VCAN: variants seen among roughly 807,000 people sequenced by gnomAD.
VCAN encodes versican, also known as versican core protein.
VCAN carries 44 observed loss-of-function variants against 245.5 expected under a neutral mutation model. That is an observed-to-expected ratio of 0.18 (90% confidence interval 0.14 to 0.23). The LOEUF (loss-of-function observed/expected upper bound fraction) is 0.23, where lower values mean the gene tolerates loss of function less well. Among genes scored for constraint, VCAN ranks in the 10% least tolerant of loss-of-function variants. The pLI, the probability that VCAN is intolerant of heterozygous loss-of-function variation, is 1.00. For missense variants in VCAN, 3,793 were observed against 4,057.9 expected (o/e 0.93, Z 1.77); for synonymous variants, 1,413 against 1,437.0 (o/e 0.98, Z 0.38).
At chr5:83,484,760 C>T (rs1395919828) in intron 2 of VCAN, among the ~76,000 whole-genome samples, 1 of 152,128 alleles carries the variant, frequency 6.6e-6, no homozygotes, top group African/African-American at 2.4e-5. Flanking sequence ...CAGGTACTTT[C>T]AAATTGATGA....
chr5:83,521,717 A>T lies in VCAN; in HGVS notation c.3411A>T (p.Glu1137Asp), dbSNP rs750662669. 6.2e-7 allele frequency: 1 copy of T among 1,614,150 alleles called. No homozygotes were observed. Among genetic ancestry groups the T allele is most frequent in the Admixed American group, 1.7e-5 (1 of 60,014 alleles). ...AAGTATCTTTAAGTCCAGGGCCTGA[A>T]CAAAAATATGAAACAGAAGGTAGTA... ...GPKVSLSPGP[E>D]QKYETEGSST... Residue 1137 changes from glutamate to aspartate, a missense_variant, in exon 7 of 15, where the codon GAA becomes GAT. Around this residue, in one of 5 missense-constraint regions of VCAN, gnomAD observed 3,182 missense variants for 3,250.3 expected, o/e 0.98. Transcript: ENST00000265077.
At chr5:83,530,350 A>C (rs1302519397) in intron 7 of VCAN, among the ~76,000 whole-genome samples, 2 of 151,910 alleles carry the variant, frequency 1.3e-5, no homozygotes, top group African/African-American at 2.4e-5. Context: ...TTGTCAAGGA[A>C]ACCCCCAGTT....
At chr5:83,565,813 C>G (rs929741936) in intron 12 of VCAN, among the ~76,000 whole-genome samples, 1 of 152,022 alleles carries the variant, frequency 6.6e-6, no homozygotes, top group African/African-American at 2.4e-5. Flanking sequence ...TTGACTGTGA[C>G]AGCAGTAACT....
Position 83,541,633 on chromosome 5 carries a change from A to G in VCAN, c.8630A>G (p.Lys2877Arg). 6.2e-7 allele frequency: 1 copy of G among 1,613,888 alleles called. No homozygotes were observed. The highest frequency in any genetic ancestry group is 8.5e-7 in the Non-Finnish European group (1 of 1,180,000). The change falls in exon 8 of 15, where the codon AAA becomes AGA. Residue 2877 changes from lysine to arginine, a missense_variant. By Grantham distance (26) the Lys-to-Arg change is conservative (BLOSUM62 2). Transcript: ENST00000265077. ...CATGTAAATATTGAAGCGACTTTCA[A>G]ACCATCAAGTGAGGAATACCTTCAC... is the stretch of plus-strand genomic sequence containing the variant. The part of the protein sequence containing the change: ...EIHVNIEATF[K>R]PSSEEYLHIT...
At chr5:83,562,753 T>C (rs919720911) in intron 12 of VCAN, among the ~76,000 whole-genome samples, 13 of 152,110 alleles carry the variant, frequency 8.5e-5, no homozygotes, top group African/African-American at 2.2e-4. Context: ...GCAAATAAGC[T>C]TGGGGTAAAG....
chr5:83,489,030 G>A (rs2112351339), intron 2 of VCAN, among the ~76,000 whole-genome samples: 2 of 152,114 alleles, frequency 1.3e-5, no homozygotes, highest in South Asian at 4.1e-4. Flanking sequence ...TTTACATTGA[G>A]AGTGATATCA....
chr5:83,540,445 G>C lies in VCAN; in HGVS notation c.7442G>C (p.Gly2481Ala). 2 of 1,613,952 alleles carry C rather than the reference G, an allele frequency of 1.2e-6. No homozygotes were observed. Among genetic ancestry groups the C allele is most frequent in the Non-Finnish European group, 8.5e-7 (1 of 1,179,936 alleles). ...AGCGCTAAAGCTGTTACTGCTGATG[G>C]ATTCCCAACAGTTTCAGTGATGCTG... Reference protein sequence around the residue: ...VPSAKAVTADGFPTVSVMLPL... With the variant: ...VPSAKAVTADAFPTVSVMLPL... The change falls in exon 8 of 15, where the codon GGA becomes GCA. Residue 2481 changes from glycine to alanine, a missense_variant. By Grantham distance (60) the Gly-to-Ala change is moderately conservative (BLOSUM62 0). Coordinates refer to ENST00000265077, the MANE Select transcript of VCAN (RefSeq NM_004385.5).
At chr5:83,559,929 T>C (rs1368433444) in intron 12 of VCAN, among the ~76,000 whole-genome samples, 1 of 151,928 alleles carries the variant, frequency 6.6e-6, no homozygotes, top group East Asian at 1.9e-4. Context: ...TTTGCCTAAA[T>C]TAAAGATTTT....
chr5:83,531,010 A>T (rs1209202772), intron 7 of VCAN, among the ~76,000 whole-genome samples: 8 of 152,148 alleles, frequency 5.3e-5, no homozygotes, highest in African/African-American at 1.9e-4. Flanking sequence ...GGATATAATT[A>T]TTTTTAAAAA....
rs377493488 is a variant in VCAN at position 83,520,440 on chromosome 5, T to C, written c.2134T>C (p.Phe712Leu). Residue 712 changes from phenylalanine to leucine, a missense_variant, in exon 7 of 15, where the codon TTT (phenylalanine) becomes CTT (leucine). By Grantham distance (22) the Phe-to-Leu change is conservative (BLOSUM62 0). Coordinates refer to ENST00000265077, the MANE Select transcript of VCAN (RefSeq NM_004385.5). ...ACAAGAAGAGATCACTAAAAGTCCA[T>C]TTATGGGAAAAACAGAAGAAGAAGT... ...EIQEEITKSP[F>L]MGKTEEEVFS... The C allele has an allele frequency of 6.2e-6, 10 of 1,613,770 alleles. No homozygotes were observed. The highest frequency in any genetic ancestry group is 1.6e-4 in the Middle Eastern group (1 of 6,084).
intron 13 of VCAN, among the ~76,000 whole-genome samples, chr5:83,575,888 T>G (rs1174524850): frequency 1.3e-5 from 2 of 152,128 alleles, no homozygotes; most frequent in Admixed American, 6.6e-5. Context: ...AAAAACCCTA[T>G]TTTTGCATTT....
Position 83,527,853 on chromosome 5 carries a change from A to G in VCAN, c.4003+5544A>G, listed in dbSNP as rs569606915. On this transcript the variant is annotated intron_variant, in intron 7 of 14. Coordinates refer to ENST00000265077, the MANE Select transcript of VCAN (RefSeq NM_004385.5). ...ATTATCCTCTTCCTAAAATAAACCA[A>G]TGCCTATTCTGAAAATGGCACTTGC... Among the ~76,000 whole-genome samples the G allele has an allele frequency of 2.0e-5, 3 of 152,290 alleles. No homozygotes were observed. In the South Asian group the frequency reaches 6.2e-4, roughly 32 times the overall value.
intron 7 of VCAN, among the ~76,000 whole-genome samples, chr5:83,529,353 C>T (rs1402521754): frequency 7.5e-6 from 1 of 132,798 alleles, no homozygotes. Flanking sequence ...AAAAAAAAAG[C>T]ACCACAATAA....
chr5:83,532,742 G>A (rs896012714), intron 7 of VCAN, among the ~76,000 whole-genome samples: 4 of 152,008 alleles, frequency 2.6e-5, no homozygotes, highest in Non-Finnish European at 5.9e-5. Context: ...CCATTTGCAA[G>A]TTGTCGCGAA....
chr5:83,563,291 A>C (rs1446951255), intron 12 of VCAN, among the ~76,000 whole-genome samples: 1 of 152,208 alleles, frequency 6.6e-6, no homozygotes, highest in Admixed American at 6.5e-5. Flanking sequence ...AAGGATCAGA[A>C]GAAGGTTTAT....
chr5:83,580,911 GA>G lies in VCAN; in HGVS notation c.*480del, dbSNP rs568102775. On this transcript the variant is annotated 3_prime_UTR_variant, in exon 15 of 15. Coordinates refer to ENST00000265077, the MANE Select transcript of VCAN (RefSeq NM_004385.5). ...GGCTGCTTTTATGTAGTTTAGGCTG[GA>G]AATGGTTTCACTTGCTCTTTGACTG... 79 of 203,072 alleles carry G rather than the reference GA, an allele frequency of 3.9e-4. No individual in the cohort carries two copies. Among genetic ancestry groups the G allele is most frequent in the African/African-American group, 1.8e-3 (78 of 42,430 alleles). 12.6% of individuals were successfully genotyped at this position (203,072 alleles called of 1,614,324 possible).
chr5:83,551,832 A>G (rs900975566), intron 10 of VCAN, among the ~76,000 whole-genome samples: 7 of 152,116 alleles, frequency 4.6e-5, no homozygotes, highest in Non-Finnish European at 7.3e-5. Flanking sequence ...CTAAATTCTT[A>G]CAAATGAACT....
chr5:83,561,571 G>A (rs527586744), intron 12 of VCAN, among the ~76,000 whole-genome samples: 1 of 152,174 alleles, frequency 6.6e-6, no homozygotes, highest in East Asian at 1.9e-4. Context: ...CAGTTGATTC[G>A]AGTTGATGCA....
chr5:83,473,852 C>T (rs560442822), intron 1 of VCAN, among the ~76,000 whole-genome samples: 3 of 152,296 alleles, frequency 2.0e-5, no homozygotes, highest in Non-Finnish European at 2.9e-5. Context: ...TTTTGCACTC[C>T]ACAATCTGCG....
Sources: allele counts gnomAD v4.1 joint callset (sites outside exome capture counted in the v4.1 genomes callset), GRCh38; gene constraint gnomAD v4.1.1; regional missense constraint gnomAD v4.1.1; transcripts MANE v1.5; gene names NCBI Gene and HGNC (gene_info 2026-07-23, HGNC 2026-07-21).